The following MAGI1 variants were observed in gnomAD, a reference collection of about 807,000 sequenced individuals.
The protein encoded by MAGI1 is membrane-associated guanylate kinase, WW and PDZ domain-containing protein 1.
In MAGI1, 58 loss-of-function variants were observed where a neutral mutation model predicts 139.9. The observed-to-expected ratio is 0.41, with a 90% CI of 0.34 to 0.52. MAGI1 has a LOEUF of 0.52. Among genes scored for constraint, MAGI1 ranks in the 20% least tolerant of loss-of-function variants. The pLI, the probability that MAGI1 is intolerant of heterozygous loss-of-function variation, is 0.12. For missense variants in MAGI1, 1,874 were observed against 1,901.6 expected (o/e 0.99, Z 0.27); for synonymous variants, 812 against 737.9 (o/e 1.10, Z -1.63).
At chr3:65,613,058 A>C in intron 2 of MAGI1, among the ~76,000 whole-genome samples, 1 of 152,186 alleles carries the variant, frequency 6.6e-6, no homozygotes, top group Non-Finnish European at 1.5e-5. Flanking sequence ...TTAATTTTTA[A>C]AAATGGTCTT....
intron 2 of MAGI1, among the ~76,000 whole-genome samples, chr3:65,548,927 G>A (rs2079661421): frequency 6.6e-6 from 1 of 152,182 alleles, no homozygotes; most frequent in African/African-American, 2.4e-5. Context: ...GGCGGGAACG[G>A]GAGGCAGCAA....
At chr3:65,674,354 C>A (rs541730743) in intron 1 of MAGI1, among the ~76,000 whole-genome samples, 3 of 152,178 alleles carry the variant, frequency 2.0e-5, no homozygotes, top group East Asian at 1.9e-4. Flanking sequence ...GAATTCAAGC[C>A]CTCAAATGTA....
intron 12 of MAGI1, among the ~76,000 whole-genome samples, chr3:65,429,266 G>C (rs2107335947): frequency 6.6e-6 from 1 of 152,090 alleles, no homozygotes; most frequent in Non-Finnish European, 1.5e-5. Flanking sequence ...CCCAACTTAG[G>C]TTTTTAAATC....
intron 1 of MAGI1, among the ~76,000 whole-genome samples, chr3:65,779,338 T>A (rs1432059407): frequency 1.3e-5 from 2 of 152,112 alleles, no homozygotes; most frequent in Non-Finnish European, 2.9e-5. Context: ...CACAAGCAAG[T>A]CCCAAATTTG....
At chr3:65,685,445 G>A (rs544579707) in intron 1 of MAGI1, among the ~76,000 whole-genome samples, 37 of 151,858 alleles carry the variant, frequency 2.4e-4, no homozygotes, top group Non-Finnish European at 4.7e-4. Context: ...AGTCTCTAAT[G>A]AATATATCGT....
At chr3:65,526,823 G>T (rs1432092801) in intron 2 of MAGI1, among the ~76,000 whole-genome samples, 1 of 152,062 alleles carries the variant, frequency 6.6e-6, no homozygotes, top group Admixed American at 6.6e-5. Context: ...TCCTCTAATA[G>T]TTAAAAAATT....
intron 1 of MAGI1, among the ~76,000 whole-genome samples, chr3:65,710,189 G>C (rs768076164): frequency 1.3e-5 from 2 of 150,662 alleles, no homozygotes; most frequent in East Asian, 2.0e-4. Flanking sequence ...GCAGACAAGC[G>C]ATCAGTGAAA....
Position 65,437,774 on chromosome 3 carries a change from C to T in MAGI1, c.1271-527G>A, listed in dbSNP as rs537208981. Reference sequence around the variant, plus strand: ...GCCAGACATAACTCACAGTGAGTGACCCTTGAGATGGCACCCCAGAATCAC... The same window carrying T: ...GCCAGACATAACTCACAGTGAGTGATCCTTGAGATGGCACCCCAGAATCAC... On this transcript the variant is annotated intron_variant, in intron 9 of 22. Transcript: ENST00000402939. Among the ~76,000 whole-genome samples, 9 of 152,280 alleles carry T rather than the reference C, an allele frequency of 5.9e-5. No individual in the cohort carries two copies. In the South Asian group the frequency reaches 1.7e-3, roughly 28 times the overall value.
chr3:65,794,701 C>T (rs1029461553), intron 1 of MAGI1, among the ~76,000 whole-genome samples: 2 of 151,960 alleles, frequency 1.3e-5, no homozygotes, highest in Non-Finnish European at 2.9e-5. Context: ...CTGCTGTCCT[C>T]ACTCAGAAAA....
At chr3:65,533,838 T>C (rs1374675690) in intron 2 of MAGI1, among the ~76,000 whole-genome samples, 3 of 152,198 alleles carry the variant, frequency 2.0e-5, no homozygotes, top group African/African-American at 7.2e-5. Context: ...TCTCATGAAA[T>C]CATCCCAAAT....
chr3:65,506,275 T>C lies in MAGI1; in HGVS notation c.431-12644A>G, dbSNP rs190347799. Among the ~76,000 whole-genome samples, 104 of 152,264 alleles carry C rather than the reference T, an allele frequency of 6.8e-4. 3 individuals carry two copies. The East Asian group carries it at 8.7e-3, about 13-fold the overall frequency. Reference sequence around the variant, plus strand: ...AAGACTGTGTGAGGATTACATGAGATAACACAAGTAAAATGCTTAACCTGG... The same window carrying C: ...AAGACTGTGTGAGGATTACATGAGACAACACAAGTAAAATGCTTAACCTGG... On this transcript the variant is annotated intron_variant, in intron 2 of 22. Transcript: ENST00000402939.
At chr3:65,547,230 C>T (rs780302364) in intron 2 of MAGI1, among the ~76,000 whole-genome samples, 15 of 152,308 alleles carry the variant, frequency 9.8e-5, no homozygotes, top group East Asian at 1.9e-4. Context: ...GGAAAGCTGA[C>T]TCTTACAGTG....
chr3:65,901,238 G>A (rs1203114953), intron 1 of MAGI1, among the ~76,000 whole-genome samples: 2 of 152,168 alleles, frequency 1.3e-5, no homozygotes, highest in Non-Finnish European at 2.9e-5. Flanking sequence ...CACACAAAAG[G>A]AAGAGCAAAA....
intron 1 of MAGI1, among the ~76,000 whole-genome samples, chr3:66,018,543 T>G (rs537762027): frequency 1.3e-5 from 2 of 152,076 alleles, no homozygotes; most frequent in South Asian, 4.1e-4. Context: ...TAAGGGCCGG[T>G]GAAGGAATTG....
intron 1 of MAGI1, among the ~76,000 whole-genome samples, chr3:65,839,136 C>G (rs916957386): frequency 6.6e-6 from 1 of 152,250 alleles, no homozygotes; most frequent in Non-Finnish European, 1.5e-5. Context: ...CAGTCAACAA[C>G]AGACCACATA....
intron 7 of MAGI1, 73 bp from the exon 8 acceptor site, chr3:65,442,922 T>A: frequency 8.8e-7 from 1 of 1,137,986 alleles, no homozygotes. Context: ...AACAACTGAG[T>A]TAGGCAAAAA....
chr3:65,712,466 A>T, intron 1 of MAGI1, among the ~76,000 whole-genome samples: 1 of 152,024 alleles, frequency 6.6e-6, no homozygotes, highest in Non-Finnish European at 1.5e-5. Flanking sequence ...AAAAAAAAAA[A>T]AAAAAAGCCA....
At chr3:65,616,723 T>C (rs9869896) in intron 2 of MAGI1, among the ~76,000 whole-genome samples, 13,832 of 152,256 alleles carry the variant, frequency 0.091, 732 homozygotes, top group African/African-American at 0.15. Flanking sequence ...CCTATGATGC[T>C]TGCAGAACTC....
chr3:65,835,819 A>G (rs941630691), intron 1 of MAGI1, among the ~76,000 whole-genome samples: 8 of 152,174 alleles, frequency 5.3e-5, no homozygotes, highest in African/African-American at 1.9e-4. Flanking sequence ...TGCACCATAT[A>G]TAGACTCTCC....
Sources: allele counts gnomAD v4.1 joint callset (sites outside exome capture counted in the v4.1 genomes callset), GRCh38; gene constraint gnomAD v4.1.1; transcripts MANE v1.5; gene names NCBI Gene and HGNC (gene_info 2026-07-23, HGNC 2026-07-21).